Variants in MARCHF10 observed in about 807,000 individuals in gnomAD.
MARCHF10 encodes probable E3 ubiquitin-protein ligase MARCHF10.
MARCHF10 carries 64 observed loss-of-function variants against 76.2 expected under a neutral mutation model. That is an observed-to-expected ratio of 0.84 (90% CI 0.69 to 1.03). MARCHF10 has a LOEUF of 1.03. Ranked by LOEUF, MARCHF10 falls within the 50% of genes least tolerant of loss-of-function variation. MARCHF10 has a pLI of 0.00. For synonymous variants in MARCHF10, 340 were observed against 357.5 expected, an observed-to-expected ratio of 0.95 and a Z score of 0.55; for missense variants, 875 against 958.0, an observed-to-expected ratio of 0.91 and a Z score of 1.14.
intron 3 of MARCHF10, among the ~76,000 whole-genome samples, chr17:62,781,522 G>A (rs1362409799): frequency 1.3e-5 from 2 of 152,212 alleles, no homozygotes; most frequent in Non-Finnish European, 2.9e-5. Context: ...TATTTAGGAA[G>A]TACCACTCTA....
intron 10 of MARCHF10, 123 bp downstream of exon 10, chr17:62,705,416 G>C: frequency 6.3e-7 from 1 of 1,582,076 alleles, no homozygotes; most frequent in Non-Finnish European, 8.6e-7. Flanking sequence ...GCTTTGCGGG[G>C]TTATTTTTGC....
At chr17:62,744,322 C>CA in intron 5 of MARCHF10, 54 bp downstream of exon 5, 1 of 1,565,852 alleles carries the variant, frequency 6.4e-7, no homozygotes, top group Non-Finnish European at 8.6e-7. Flanking sequence ...CGGGTAACAG[C>CA]AAAAATCAGT....
chr17:62,744,364 C>G lies in MARCHF10; in HGVS notation c.535+12G>C, dbSNP rs774856763. ...CTCCAAGGACAAAGGTTCGGGAGCCCCGGGTCCTTACCTGCTCCCCTGGGA... is the reference window on the plus strand; with the variant it reads ...CTCCAAGGACAAAGGTTCGGGAGCCGCGGGTCCTTACCTGCTCCCCTGGGA... On this transcript the variant is annotated intron_variant, in intron 5 of 10. Coordinates refer to ENST00000311269, the MANE Select transcript of MARCHF10 (RefSeq NM_152598.4). 7 of 1,610,630 alleles carry G rather than the reference C, an allele frequency of 4.3e-6. No individual in the cohort carries two copies. The highest frequency in any genetic ancestry group is 5.1e-6 in the Non-Finnish European group (6 of 1,178,980).
chr17:62,789,775 T>C (rs1158573734), intron 2 of MARCHF10, among the ~76,000 whole-genome samples: 1 of 152,030 alleles, frequency 6.6e-6, no homozygotes, highest in Non-Finnish European at 1.5e-5. Flanking sequence ...CTGTTTCTAC[T>C]AAAAATATAA....
At chr17:62,790,134 T>C (rs2092817775) in intron 2 of MARCHF10, among the ~76,000 whole-genome samples, 1 of 152,136 alleles carries the variant, frequency 6.6e-6, no homozygotes, top group Non-Finnish European at 1.5e-5. Flanking sequence ...TATCATGTAC[T>C]ATGGAAATTT....
intron 1 of MARCHF10, among the ~76,000 whole-genome samples, chr17:62,802,576 T>A (rs1235451210): frequency 6.6e-6 from 1 of 152,166 alleles, no homozygotes. Context: ...ATCCTAACTA[T>A]GATAGGCCCT....
chr17:62,736,291 T>C lies in MARCHF10; in HGVS notation c.1577A>G (p.Glu526Gly). The C allele has an allele frequency of 6.2e-7, 1 of 1,614,206 alleles. No homozygotes were observed. The highest frequency in any genetic ancestry group is 2.2e-5 in the East Asian group (1 of 44,886). Residue 526 changes from glutamate (E) to glycine (G), a missense_variant, in exon 6 of 11, where the codon GAA becomes GGA. Coordinates refer to ENST00000311269, the MANE Select transcript of MARCHF10 (RefSeq NM_152598.4). Reference protein sequence around the residue: ...IRNRTPFASAENHNYFPVNSA... With the variant: ...IRNRTPFASAGNHNYFPVNSA... The stretch of plus-strand genomic sequence containing the variant: ...GTTTACTGGGAAATAATTATGGTTT[T>C]CGGCACTGGCAAATGGAGTCCTATT...
intron 3 of MARCHF10, 95 bp from the exon 4 acceptor site, chr17:62,760,101 T>A (rs993576635): frequency 3.0e-6 from 3 of 1,014,802 alleles, no homozygotes; most frequent in Non-Finnish European, 4.5e-6. Flanking sequence ...AGTGACCCTC[T>A]CCAGCAATAA....
rs2091370387 is a variant in MARCHF10 at position 62,738,229 on chromosome 17, T to G, written c.536-897A>C. Among the ~76,000 whole-genome samples, 1 of 152,180 alleles carries G rather than the reference T, an allele frequency of 6.6e-6. No individual in the cohort carries two copies. Among genetic ancestry groups the G allele is most frequent in the African/African-American group, 2.4e-5 (1 of 41,434 alleles). ...TTTCCAGTAAGTGATGGAATGAACA[T>G]TTGAACCCACGCCTGCTCGATACTA... On this transcript the variant is annotated intron_variant, in intron 5 of 10. Transcript: ENST00000311269. The surrounding 1 kb of genome is among the most constrained non-coding windows in gnomAD (Gnocchi z 4.0).
At chr17:62,775,277 C>A (rs1053750284) in intron 3 of MARCHF10, among the ~76,000 whole-genome samples, 2 of 151,842 alleles carry the variant, frequency 1.3e-5, no homozygotes, top group African/African-American at 2.4e-5. Context: ...AGGCACCCAC[C>A]ACCACGCCCA....
At chr17:62,804,321 C>A (rs75477106) in intron 1 of MARCHF10, among the ~76,000 whole-genome samples, 1 of 152,004 alleles carries the variant, frequency 6.6e-6, no homozygotes, top group Non-Finnish European at 1.5e-5. Context: ...GATTTGGGCA[C>A]TGCTGGCATT....
chr17:62,792,784 CCTCCAT>C (rs1456649010), intron 2 of MARCHF10, among the ~76,000 whole-genome samples: 11 of 136,744 alleles, frequency 8.0e-5, no homozygotes, highest in African/African-American at 2.9e-4. Flanking sequence ...ACCACCACCA[CCTCCAT>C]CACCACCACC....
At chr17:62,703,807 C>T (rs911424975) in intron 10 of MARCHF10, among the ~76,000 whole-genome samples, 6 of 152,210 alleles carry the variant, frequency 3.9e-5, no homozygotes, top group African/African-American at 1.4e-4. Context: ...GGAGCACCAC[C>T]CTAGGGATGT....
chr17:62,804,448 G>A lies in MARCHF10; in HGVS notation c.-17-2696C>T, dbSNP rs541681070. Among the ~76,000 whole-genome samples the A allele has an allele frequency of 2.0e-5, 3 of 152,114 alleles. No individual in the cohort carries two copies. In the South Asian group the frequency reaches 6.2e-4, roughly 32 times the overall value. On this transcript the variant is annotated intron_variant, in intron 1 of 10. Transcript: ENST00000311269. ...ACAAGCCGCTGAAGAGAAACTCTGC[G>A]GAAAAAAAAGAAAAAGCCAGAGAGG...
At chr17:62,745,183 A>G (rs1028785336) in intron 4 of MARCHF10, among the ~76,000 whole-genome samples, 1 of 150,164 alleles carries the variant, frequency 6.7e-6, no homozygotes, top group African/African-American at 2.5e-5. Context: ...GGCTCACTGC[A>G]GTCTCTGCCT....
At chr17:62,784,482 C>T (rs896419118) in intron 3 of MARCHF10, among the ~76,000 whole-genome samples, 3 of 152,336 alleles carry the variant, frequency 2.0e-5, no homozygotes, top group Middle Eastern at 3.4e-3. Context: ...GATGCCCTCT[C>T]TCACCACTCT....
intron 5 of MARCHF10, among the ~76,000 whole-genome samples, chr17:62,742,603 A>G (rs1216325164): frequency 3.9e-5 from 6 of 152,152 alleles, no homozygotes. Context: ...CTGGGTGCAG[A>G]CAGAATTGTA....
At chr17:62,797,564 T>C (rs1436075676) in intron 2 of MARCHF10, among the ~76,000 whole-genome samples, 1 of 152,196 alleles carries the variant, frequency 6.6e-6, no homozygotes, top group Non-Finnish European at 1.5e-5. Flanking sequence ...CCTTTAGTTC[T>C]AAATTAAAAC....
chr17:62,710,370 T>G (rs2089852860), intron 9 of MARCHF10, among the ~76,000 whole-genome samples: 1 of 152,178 alleles, frequency 6.6e-6, no homozygotes. Context: ...ATGTCAGCAT[T>G]TAAACCATGG....
Sources: allele counts gnomAD v4.1 joint callset (sites outside exome capture counted in the v4.1 genomes callset), GRCh38; gene constraint gnomAD v4.1.1; non-coding constraint Gnocchi (gnomAD v3.1); transcripts MANE v1.5; gene names NCBI Gene and HGNC (gene_info 2026-07-23, HGNC 2026-07-21).